The following BRIP1 variants were observed in gnomAD, a reference collection of about 807,000 sequenced individuals.
BRIP1 encodes Fanconi anemia group J protein.
BRIP1 carries 88 observed loss-of-function variants against 119.7 expected under a neutral mutation model. The ratio of observed to expected loss-of-function variants is 0.74; its 90% CI spans 0.62 to 0.88. BRIP1 has a LOEUF of 0.88. Among genes scored for constraint, BRIP1 ranks in the 40% least tolerant of loss-of-function variants. The probability of loss-of-function intolerance (pLI) is 0.00; values close to 1 mark genes in which losing one functional copy is unlikely to be tolerated. For missense variants in BRIP1, 1,259 were observed against 1,455.4 expected (o/e 0.87, Z 2.20); for synonymous variants, 443 against 496.5 (o/e 0.89, Z 1.43).
rs899864031 is a variant in BRIP1 at position 61,759,054 on chromosome 17, A to G, written c.2098-14463T>C. On this transcript the variant is annotated intron_variant, in intron 14 of 19. Coordinates refer to ENST00000259008, the MANE Select transcript of BRIP1 (RefSeq NM_032043.3). The surrounding 1 kb of genome is among the most constrained non-coding windows in gnomAD (Gnocchi z 4.9). ...AATAAATAAATAAATGGCAGTAATA[A>G]CTCTTTACCTTTCAATACCTACCTT... Among the ~76,000 whole-genome samples, 12 of 145,440 alleles carry G rather than the reference A, an allele frequency of 8.3e-5. No individual in the cohort carries two copies. The highest frequency in any genetic ancestry group is 3.0e-4 in the African/African-American group (12 of 39,378).
Position 61,693,536 on chromosome 17 carries a change from A to G in BRIP1, c.2493-24T>C. ...ATCTAGAAAAAATAGGGAAAAAGTC[A>G]AATAATTATAACATCGGAAATAAAT... On this transcript the variant is annotated intron_variant, in intron 17 of 19. Transcript: ENST00000259008. The surrounding 1 kb of genome is among the most constrained non-coding windows in gnomAD (Gnocchi z 4.2). The G allele has an allele frequency of 6.4e-7, 1 of 1,563,972 alleles. No homozygotes were observed. The highest frequency in any genetic ancestry group is 1.1e-5 in the South Asian group (1 of 90,008).
In BRIP1 at chr17:61,729,783, G is replaced by A. The variant is rs1226924386; in HGVS notation, c.2379+13230C>T. ...CTATGTAAAACAGTGGTGCTCAACC[G>A]AGAGCAATTTTGCCAACCAGAAGAT... is the stretch of plus-strand genomic sequence containing the variant. On this transcript the variant is annotated intron_variant, in intron 16 of 19. Coordinates refer to ENST00000259008, the MANE Select transcript of BRIP1 (RefSeq NM_032043.3). The surrounding 1 kb of genome is among the most constrained non-coding windows in gnomAD (Gnocchi z 5.6). 2.0e-5 allele frequency among the ~76,000 whole-genome samples: 3 copies of A among 152,036 alleles called. No homozygotes were observed. Among genetic ancestry groups the A allele is most frequent in the East Asian group, 1.9e-4 (1 of 5,194 alleles).
rs113514842 is a variant in BRIP1, at chr17:61,727,770, G to GTC, written c.2380-11709_2380-11708dup. 6.3e-4 allele frequency among the ~76,000 whole-genome samples: 88 copies of GTC among 140,438 alleles called. 1 individual carries two copies. In the South Asian group the frequency reaches 9.4e-3, roughly 15 times the overall value. The allele number at this position is 140,438 out of a possible 152,430, so 92.1% of individuals were successfully genotyped here. A position where few individuals can be genotyped will look rare whatever the true frequency, so the allele number is the denominator to read the frequency against. On this transcript the variant is annotated intron_variant, in intron 16 of 19. Transcript: ENST00000259008. ...AGAGACTCTGTCTGTCTGTCTGTCT[G>GTC]TCTCTCTCTCTCTCTCTCTCTATAT...
In BRIP1 at chr17:61,761,000, T is replaced by A. The variant is rs938626975; in HGVS notation, c.2097+15401A>T. ...TCCTTGATAAATAGAAAAGCAAAAA[T>A]CCTCAACAAAATACTAGCAAACCAA... On this transcript the variant is annotated intron_variant, in intron 14 of 19. Transcript: ENST00000259008. This position sits in a 1 kb window ranked among gnomAD's most constrained non-coding sequence, Gnocchi z 4.6. Among the ~76,000 whole-genome samples, 1 of 151,580 alleles carries A rather than the reference T, an allele frequency of 6.6e-6. No homozygotes were observed. The highest frequency in any genetic ancestry group is 1.5e-5 in the Non-Finnish European group (1 of 67,824).
At position 61,849,134 on chromosome 17, in the gene BRIP1, G is replaced by T. The variant is rs748211848; in HGVS notation, c.502C>A (p.Gln168Lys). 6.2e-6 allele frequency: 10 copies of T among 1,613,522 alleles called. No individual in the cohort carries two copies. The highest frequency in any genetic ancestry group is 1.3e-5 in the African/African-American group (1 of 75,000). Residue 168 changes from glutamine (Q) to lysine (K), a missense_variant, in exon 5 of 20, where the codon CAG becomes AAG. Transcript: ENST00000259008. ...TGCCAATAAACTCTGTTTACCTGCT[G>T]TGTAGTTTCTAAGGGTCGAATTCTT... ...KKRIRPLETT[Q>K]QIRKRHCFGT...
chr17:61,791,406 T>C (rs1366576932), intron 10 of BRIP1, among the ~76,000 whole-genome samples: 1 of 138,178 alleles, frequency 7.2e-6, no homozygotes, highest in Non-Finnish European at 1.5e-5. Flanking sequence ...TGAGGATCAC[T>C]TGAACACGAG....
chr17:61,686,993 TTAAA>T lies in BRIP1; in HGVS notation c.2576-832_2576-829del, dbSNP rs2061373586. 1.3e-5 allele frequency among the ~76,000 whole-genome samples: 2 copies of T among 152,158 alleles called. No homozygotes were observed. Among genetic ancestry groups the T allele is most frequent in the South Asian group, 4.1e-4 (2 of 4,836 alleles). On this transcript the variant is annotated intron_variant, in intron 18 of 19. Coordinates refer to ENST00000259008, the MANE Select transcript of BRIP1 (RefSeq NM_032043.3). This position sits in a 1 kb window ranked among gnomAD's most constrained non-coding sequence, Gnocchi z 5.4. Reference sequence around the variant, plus strand: ...TCTAGATTTTAAAACTAAAAAAATTTTAAATAAGCCATTTCCCTTGAAGTTTTTT... The same window carrying T: ...TCTAGATTTTAAAACTAAAAAAATTTTAAGCCATTTCCCTTGAAGTTTTTT...
chr17:61,693,613 A>C lies in BRIP1; in HGVS notation c.2493-101T>G, dbSNP rs2061481055. On this transcript the variant is annotated intron_variant, in intron 17 of 19. Transcript: ENST00000259008. This position sits in a 1 kb window ranked among gnomAD's most constrained non-coding sequence, Gnocchi z 4.2. ...AATTGGAAAAAAATCAATTTTATAGATTCCTTTAAACAATTTGTTATTATC... is the reference window on the plus strand; with the variant it reads ...AATTGGAAAAAAATCAATTTTATAGCTTCCTTTAAACAATTTGTTATTATC... 2.1e-6 allele frequency: 2 copies of C among 943,478 alleles called. No individual in the cohort carries two copies. The highest frequency in any genetic ancestry group is 3.8e-5 in the Admixed American group (2 of 52,252). The allele number at this position is 943,478 out of a possible 1,614,324, so 58.4% of individuals were successfully genotyped here. A position where few individuals can be genotyped will look rare whatever the true frequency, so the allele number is the denominator to read the frequency against.
intron 6 of BRIP1, among the ~76,000 whole-genome samples, chr17:61,840,266 G>A (rs917142617): frequency 1.3e-5 from 2 of 149,052 alleles, no homozygotes; most frequent in East Asian, 3.9e-4. Context: ...GCTGATTTAG[G>A]AGAATCACTT....
chr17:61,819,680 C>A (rs2078291755), intron 6 of BRIP1, among the ~76,000 whole-genome samples: 1 of 152,008 alleles, frequency 6.6e-6, no homozygotes. Context: ...AAAATTAAAA[C>A]AGGTGAACTC....
At chr17:61,859,579 A>G (rs2078945189) in intron 3 of BRIP1, among the ~76,000 whole-genome samples, 1 of 152,220 alleles carries the variant, frequency 6.6e-6, no homozygotes. Flanking sequence ...CGACTCATCA[A>G]AAGACTAAAT....
In BRIP1 at chr17:61,755,785, C is replaced by A. The variant is rs1379989906; in HGVS notation, c.2098-11194G>T. Among the ~76,000 whole-genome samples, 1 of 151,944 alleles carries A rather than the reference C, an allele frequency of 6.6e-6. No individual in the cohort carries two copies. The highest frequency in any genetic ancestry group is 1.5e-5 in the Non-Finnish European group (1 of 67,996). ...CAGACAGGTAAAGATTTAGAAAGAA[C>A]AATGGAGAGTAAATAGGATACTAAG... On this transcript the variant is annotated intron_variant, in intron 14 of 19. Transcript: ENST00000259008. This position sits in a 1 kb window ranked among gnomAD's most constrained non-coding sequence, Gnocchi z 4.5.
At chr17:61,765,665 C>A (rs1246115025) in intron 14 of BRIP1, among the ~76,000 whole-genome samples, 1 of 150,530 alleles carries the variant, frequency 6.6e-6, no homozygotes, top group Non-Finnish European at 1.5e-5. Context: ...GAACTCCTGA[C>A]CTCAGGTGAT....
intron 14 of BRIP1, among the ~76,000 whole-genome samples, chr17:61,771,062 T>C (rs930870122): frequency 6.6e-6 from 1 of 152,182 alleles, no homozygotes; most frequent in Non-Finnish European, 1.5e-5. Flanking sequence ...ACAAATAGGT[T>C]GAAAGTAAAA....
At chr17:61,718,730 A>G (rs891597701) in intron 16 of BRIP1, among the ~76,000 whole-genome samples, 1 of 152,178 alleles carries the variant, frequency 6.6e-6, no homozygotes, top group African/African-American at 2.4e-5. Context: ...AATCTGGTGC[A>G]ATTGTAGTAT....
rs142678430 is a variant in BRIP1 at position 61,759,891 on chromosome 17, A to G, written c.2098-15300T>C. Among the ~76,000 whole-genome samples the G allele has an allele frequency of 6.6e-6, 1 of 151,908 alleles. No homozygotes were observed. The highest frequency in any genetic ancestry group is 2.4e-5 in the African/African-American group (1 of 41,544). On this transcript the variant is annotated intron_variant, in intron 14 of 19. Coordinates refer to ENST00000259008, the MANE Select transcript of BRIP1 (RefSeq NM_032043.3). The surrounding 1 kb of genome is among the most constrained non-coding windows in gnomAD (Gnocchi z 4.9). ...TTGCCACAAACCTTTAATTTATGAA[A>G]AAAAAAAAACCCAGAATATTTGCAA... is the stretch of plus-strand genomic sequence containing the variant.
chr17:61,785,024 C>A (rs1567817724), intron 10 of BRIP1, among the ~76,000 whole-genome samples: 1 of 152,134 alleles, frequency 6.6e-6, no homozygotes, highest in African/African-American at 2.4e-5. Flanking sequence ...TCCTCAGAGT[C>A]AAAGACTCTT....
chr17:61,702,669 TGTGTATATGTA>T (rs1018908423), intron 17 of BRIP1, among the ~76,000 whole-genome samples: 1 of 152,198 alleles, frequency 6.6e-6, no homozygotes, highest in African/African-American at 2.4e-5. Flanking sequence ...AGTATTCCAT[TGTGTATATGTA>T]CCACATTTTC....
chr17:61,782,039 C>A (rs1034349739), intron 11 of BRIP1, among the ~76,000 whole-genome samples: 3 of 151,830 alleles, frequency 2.0e-5, no homozygotes, highest in African/African-American at 7.3e-5. Context: ...AACTTAACAA[C>A]TGTGGAGAGA....
Sources: allele counts gnomAD v4.1 joint callset (sites outside exome capture counted in the v4.1 genomes callset), GRCh38; gene constraint gnomAD v4.1.1; non-coding constraint Gnocchi (gnomAD v3.1); transcripts MANE v1.5; gene names NCBI Gene and HGNC (gene_info 2026-07-23, HGNC 2026-07-21).